Variants in RBFOX1 observed in about 807,000 individuals in gnomAD.
RBFOX1 encodes the protein RNA binding fox-1 homolog 1.
RBFOX1 carries 8 observed loss-of-function variants against 57.7 expected under a neutral mutation model. That is an observed-to-expected ratio of 0.14 (90% CI 0.08 to 0.25). The LOEUF (loss-of-function observed/expected upper bound fraction) is 0.25, where lower values mean the gene tolerates loss of function less well. Among genes scored for constraint, RBFOX1 ranks in the 10% least tolerant of loss-of-function variants. The probability of loss-of-function intolerance (pLI) is 1.00; values close to 1 mark genes in which losing one functional copy is unlikely to be tolerated. For missense variants in RBFOX1, 611 were observed against 548.5 expected (o/e 1.11, Z -1.14); for synonymous variants, 326 against 222.4 (o/e 1.47, Z -4.15).
At chr16:6,961,676 G>T (rs68135175) in intron 3 of RBFOX1, among the ~76,000 whole-genome samples, 92,951 of 151,810 alleles carry the variant, frequency 0.61, 28,577 homozygotes, top group Non-Finnish European at 0.63. Flanking sequence ...TGGGAAAGGG[G>T]TGGGGACTTC....
chr16:6,959,286 A>G (rs1379176975), intron 3 of RBFOX1, among the ~76,000 whole-genome samples: 3 of 152,194 alleles, frequency 2.0e-5, no homozygotes, highest in Non-Finnish European at 4.4e-5. Context: ...GGAGGGAGCC[A>G]GTACAGTCAT....
intron 4 of RBFOX1, among the ~76,000 whole-genome samples, chr16:7,135,641 G>A (rs960504313): frequency 1.3e-5 from 2 of 152,230 alleles, no homozygotes; most frequent in African/African-American, 4.8e-5. Flanking sequence ...GCTGTTCGCG[G>A]CATCCCTGAA....
At chr16:6,618,736 A>G (rs1262755010) in intron 2 of RBFOX1, among the ~76,000 whole-genome samples, 1 of 152,202 alleles carries the variant, frequency 6.6e-6, no homozygotes, top group East Asian at 1.9e-4. Flanking sequence ...CCACAGTGTC[A>G]TAAAGCTGGC....
chr16:5,724,473 G>C (rs923093651), intron 3 of RBFOX1, among the ~76,000 whole-genome samples: 1 of 152,074 alleles, frequency 6.6e-6, no homozygotes, highest in African/African-American at 2.4e-5. Flanking sequence ...TTAGAGGAGG[G>C]ACTCGGAGCC....
At chr16:6,484,623 C>A (rs1231901416) in intron 2 of RBFOX1, among the ~76,000 whole-genome samples, 1 of 152,154 alleles carries the variant, frequency 6.6e-6, no homozygotes, top group Non-Finnish European at 1.5e-5. Context: ...CTCTCAAGCA[C>A]AGCTCATCCC....
At chr16:6,020,604 C>A (rs191830529) in intron 1 of RBFOX1, among the ~76,000 whole-genome samples, 1 of 152,272 alleles carries the variant, frequency 6.6e-6, no homozygotes, top group East Asian at 1.9e-4. Flanking sequence ...GAAACTCCTA[C>A]TGTGCCCCTG....
At chr16:5,461,631 C>G (rs1412016809) in intron 1 of RBFOX1, among the ~76,000 whole-genome samples, 2 of 152,216 alleles carry the variant, frequency 1.3e-5, no homozygotes, top group Admixed American at 6.5e-5. Context: ...TAAGTGGATT[C>G]AAGCCCGAGC....
At chr16:6,984,081 C>G (rs1198193266) in intron 3 of RBFOX1, among the ~76,000 whole-genome samples, 1 of 152,094 alleles carries the variant, frequency 6.6e-6, no homozygotes, top group African/African-American at 2.4e-5. Context: ...AACCCTGTCT[C>G]TACTAAAAAT....
At chr16:7,237,391 A>G (rs773232103) in intron 4 of RBFOX1, among the ~76,000 whole-genome samples, 2 of 152,194 alleles carry the variant, frequency 1.3e-5, no homozygotes, top group Non-Finnish European at 2.9e-5. Context: ...AATAATTAAT[A>G]ATAATTTGAA....
At chr16:6,329,460 C>G (rs1274910755) in intron 2 of RBFOX1, among the ~76,000 whole-genome samples, 1 of 152,214 alleles carries the variant, frequency 6.6e-6, no homozygotes, top group Non-Finnish European at 1.5e-5. Flanking sequence ...CTCTTGACCA[C>G]TATACTAAAC....
At chr16:7,015,103 G>T (rs1256520870) in intron 3 of RBFOX1, among the ~76,000 whole-genome samples, 4 of 152,036 alleles carry the variant, frequency 2.6e-5, no homozygotes, top group Non-Finnish European at 1.5e-5. Flanking sequence ...ATAAACTTGG[G>T]GTCTGAGACA....
intron 3 of RBFOX1, among the ~76,000 whole-genome samples, chr16:5,864,992 A>T (rs2057313804): frequency 6.6e-6 from 1 of 152,150 alleles, no homozygotes; most frequent in South Asian, 2.1e-4. Context: ...TTATGTTTGT[A>T]TTTCCCTATG....
chr16:7,313,354 C>T, intron 4 of RBFOX1, among the ~76,000 whole-genome samples: 1 of 152,134 alleles, frequency 6.6e-6, no homozygotes, highest in East Asian at 1.9e-4. Flanking sequence ...CTCTTTTCTT[C>T]ATGGTGCAGT....
intron 4 of RBFOX1, among the ~76,000 whole-genome samples, chr16:7,150,239 T>C (rs899307): frequency 0.89 from 134,879 of 152,252 alleles, 59,838 homozygotes; most frequent in East Asian, 1. Context: ...CATTTAAATG[T>C]AAGAGGTAAA....
chr16:7,649,852 C>G (rs923757446), intron 11 of RBFOX1, among the ~76,000 whole-genome samples: 3 of 151,932 alleles, frequency 2.0e-5, no homozygotes, highest in Admixed American at 6.6e-5. Context: ...TTTACATGAA[C>G]CAGGGGAGGA....
chr16:5,346,336 C>T (rs1749683588), intron 1 of RBFOX1, among the ~76,000 whole-genome samples: 1 of 152,128 alleles, frequency 6.6e-6, no homozygotes. Flanking sequence ...CAGAAAATGT[C>T]ACATTTAAAT....
chr16:6,774,078 C>T (rs779842856), intron 3 of RBFOX1: 2 of 880,550 alleles, frequency 2.3e-6, no homozygotes, highest in Non-Finnish European at 2.7e-6. Context: ...CATTAATTTC[C>T]TAGCTTTAAA....
chr16:7,267,504 C>G (rs964401400), intron 4 of RBFOX1, among the ~76,000 whole-genome samples: 1 of 152,008 alleles, frequency 6.6e-6, no homozygotes, highest in Non-Finnish European at 1.5e-5. Context: ...CTACTGCATT[C>G]CAGCCTGGGC....
At chr16:7,703,282 A>G (rs1275123279) in intron 14 of RBFOX1, among the ~76,000 whole-genome samples, 3 of 152,190 alleles carry the variant, frequency 2.0e-5, no homozygotes, top group African/African-American at 4.8e-5. Flanking sequence ...GAGACATCCC[A>G]TTTTGAATGC....
Sources: gnomAD v4.1 joint callset for allele counts (sites outside exome capture counted in the v4.1 genomes callset) on GRCh38, gnomAD v4.1.1 for gene constraint, MANE v1.5 for transcripts, NCBI Gene and HGNC (gene_info 2026-07-23, HGNC 2026-07-21) for gene names.